ANO4: variants seen among roughly 807,000 people sequenced by gnomAD.
ANO4 encodes anoctamin 4, also known as anoctamin-4.
Under a neutral mutation model 141.9 loss-of-function variants are expected in ANO4, and 69 were observed. The ratio of observed to expected loss-of-function variants is 0.49; its 90% CI spans 0.40 to 0.59. The LOEUF (loss-of-function observed/expected upper bound fraction) is 0.59, where lower values mean the gene tolerates loss of function less well. Ranked by LOEUF, ANO4 falls within the 20% of genes least tolerant of loss-of-function variation. The pLI is 0.00. For synonymous variants in ANO4, 350 were observed against 394.3 expected, an observed-to-expected ratio of 0.89 and a Z score of 1.33; for missense variants, 894 against 1,162.2, an observed-to-expected ratio of 0.77 and a Z score of 3.36.
In ANO4 at chr12:101,097,959, T is replaced by C. The variant is rs1452982499; in HGVS notation, c.2006+14T>C. 4 of 1,604,654 alleles carry C rather than the reference T, an allele frequency of 2.5e-6. No individual in the cohort carries two copies. The highest frequency in any genetic ancestry group is 2.6e-6 in the Non-Finnish European group (3 of 1,172,036). ...ACTTGGCTACCCGTAAGTACCTTAG[T>C]ATCAATAATTGAGAGGCAGCATTGC... On this transcript the variant is annotated intron_variant, in intron 21 of 27. Transcript: ENST00000392977.
Position 101,048,355 on chromosome 12 carries a change from T to C in ANO4, c.1266T>C (p.Phe422=), listed in dbSNP as rs780237632. 1.4e-5 allele frequency: 23 copies of C among 1,613,754 alleles called. No individual in the cohort carries two copies. Among genetic ancestry groups the C allele is most frequent in the Non-Finnish European group, 1.9e-5 (23 of 1,179,830 alleles). Residue 422 remains phenylalanine (F), a synonymous_variant, in exon 14 of 28, where the codon TTT becomes TTC. Coordinates refer to ENST00000392977, the MANE Select transcript of ANO4 (RefSeq NM_001286615.2). ...ATTATTCACAGGTAACCCACCTTTT[T>C]GACAATGGAGCCACTGTCTTCTTTG... ...SCVYAKVTHL[F]DNGATVFFAV...
intron 3 of ANO4, among the ~76,000 whole-genome samples, chr12:100,933,958 T>C (rs574018522): frequency 6.6e-6 from 1 of 152,356 alleles, no homozygotes; most frequent in East Asian, 1.9e-4. Flanking sequence ...GTTTTTTTCT[T>C]GTAAATTTGT....
chr12:101,116,685 G>C lies in ANO4; in HGVS notation c.2457G>C (p.Met819Ile). Residue 819 changes from methionine (M) to isoleucine (I), a missense_variant, in exon 25 of 28, where the codon ATG becomes ATC. Met to Ile is a conservative substitution (Grantham distance 10, BLOSUM62 1). Coordinates refer to ENST00000392977, the MANE Select transcript of ANO4 (RefSeq NM_001286615.2). ...AGQGEAGQKC[M>I]VGYVNASLSV... ...AATGTGCCTCCTCTTATAGGTGCAT[G>C]GTTGGCTATGTGAATGCCAGCTTGT... The C allele has an allele frequency of 6.2e-7, 1 of 1,614,104 alleles. No individual in the cohort carries two copies. Among genetic ancestry groups the C allele is most frequent in the South Asian group, 1.1e-5 (1 of 91,068 alleles).
intron 3 of ANO4, among the ~76,000 whole-genome samples, chr12:100,923,338 C>CA (rs2041720048): frequency 6.7e-6 from 1 of 150,120 alleles, no homozygotes; most frequent in Non-Finnish European, 1.5e-5. Context: ...GCCCTGTGTC[C>CA]AAATCATCTC....
At chr12:100,961,345 G>T (rs181684520) in intron 5 of ANO4, among the ~76,000 whole-genome samples, 1 of 152,144 alleles carries the variant, frequency 6.6e-6, no homozygotes, top group Non-Finnish European at 1.5e-5. Context: ...TCCCACTGCC[G>T]GTGGTCTTGT....
chr12:101,066,671 G>A (rs1368512837), intron 14 of ANO4: 1 of 630,854 alleles, frequency 1.6e-6, no homozygotes, highest in Non-Finnish European at 2.9e-6. Context: ...TGGCCCTGCG[G>A]TCGGCGGCCT....
rs1176847363 is a variant in ANO4, at chr12:100,815,884, T to A, written c.-141+20857T>A. 2.6e-5 allele frequency among the ~76,000 whole-genome samples: 4 copies of A among 152,094 alleles called. No homozygotes were observed. In the South Asian group the frequency reaches 6.2e-4, roughly 24 times the overall value. On this transcript the variant is annotated intron_variant, in intron 1 of 27. Transcript: ENST00000392977. ...ATAAATAACTTAAAAATTTGGCATA[T>A]TTAAATATTGCAGTAAGCAATAATA...
At chr12:100,879,387 T>G (rs970038769) in intron 1 of ANO4, among the ~76,000 whole-genome samples, 4 of 152,222 alleles carry the variant, frequency 2.6e-5, no homozygotes, top group African/African-American at 7.2e-5. Flanking sequence ...GGATAACTAT[T>G]GGCTCCAGTT....
chr12:101,109,485 C>A (rs1007308036), intron 22 of ANO4, among the ~76,000 whole-genome samples: 1 of 151,878 alleles, frequency 6.6e-6, no homozygotes, highest in Non-Finnish European at 1.5e-5. Context: ...CACTTGAACC[C>A]AGGAGGCGGA....
At chr12:100,809,386 CAA>C (rs113154732) in intron 1 of ANO4, among the ~76,000 whole-genome samples, 10 of 137,376 alleles carry the variant, frequency 7.3e-5, no homozygotes, top group Admixed American at 7.2e-5. Context: ...GATTCTGTCT[CAA>C]AAAAAAAAAA....
chr12:101,127,200 C>T, intron 27 of ANO4, 126 bp downstream of exon 27: 1 of 1,013,742 alleles, frequency 9.9e-7, no homozygotes, highest in Non-Finnish European at 1.4e-6. Flanking sequence ...AGAAGCTTCC[C>T]AATCCAAAAG....
chr12:100,814,118 C>T (rs1238847541), intron 1 of ANO4, among the ~76,000 whole-genome samples: 2 of 152,040 alleles, frequency 1.3e-5, no homozygotes, highest in Middle Eastern at 3.2e-3. Flanking sequence ...GATTCCTCTA[C>T]CAAATAGGAA....
intron 2 of ANO4, chr12:100,739,795 A>G: frequency 1.5e-6 from 1 of 683,426 alleles, no homozygotes; most frequent in Non-Finnish European, 2.7e-6. Context: ...GAAGTATGAA[A>G]ATAAGCACAC....
At chr12:101,076,055 T>G (rs1205447155) in intron 14 of ANO4, among the ~76,000 whole-genome samples, 1 of 152,202 alleles carries the variant, frequency 6.6e-6, no homozygotes, top group Admixed American at 6.5e-5. Context: ...TAATTTCTTC[T>G]TCTCTTCCTA....
intron 8 of ANO4, among the ~76,000 whole-genome samples, chr12:101,001,357 AC>A (rs1326268149): frequency 1.3e-5 from 2 of 152,220 alleles, no homozygotes; most frequent in Non-Finnish European, 2.9e-5. Flanking sequence ...CTAGTGCTTC[AC>A]AGGCAGGTAG....
intron 5 of ANO4, among the ~76,000 whole-genome samples, chr12:100,960,174 C>T (rs1256897084): frequency 1.3e-5 from 2 of 152,158 alleles, no homozygotes; most frequent in Non-Finnish European, 2.9e-5. Context: ...AGAGGAGAAC[C>T]GATGCCAGGG....
intron 2 of ANO4, among the ~76,000 whole-genome samples, chr12:100,916,869 T>A: frequency 6.6e-6 from 1 of 152,138 alleles, no homozygotes; most frequent in East Asian, 1.9e-4. Context: ...ACTCATTTTT[T>A]TGTTGCTGTT....
intron 3 of ANO4, among the ~76,000 whole-genome samples, chr12:100,762,277 C>G (rs1255397063): frequency 6.6e-6 from 1 of 152,064 alleles, no homozygotes; most frequent in Non-Finnish European, 1.5e-5. Context: ...AAAATACCAC[C>G]TTTTTTCCTG....
chr12:100,951,927 C>A (rs2042984908), intron 5 of ANO4, among the ~76,000 whole-genome samples: 1 of 152,178 alleles, frequency 6.6e-6, no homozygotes, highest in Admixed American at 6.5e-5. Flanking sequence ...CCACTAGATG[C>A]CAGTAGCACC....
Sources: allele counts gnomAD v4.1 joint callset (sites outside exome capture counted in the v4.1 genomes callset), GRCh38; gene constraint gnomAD v4.1.1; transcripts MANE v1.5; gene names NCBI Gene and HGNC (gene_info 2026-07-23, HGNC 2026-07-21).